KCNQ5: variants seen among roughly 807,000 people sequenced by gnomAD.
KCNQ5 encodes the protein potassium voltage-gated channel subfamily Q member 5.
In KCNQ5, 30 loss-of-function variants were observed where a neutral mutation model predicts 98.2. That is an observed-to-expected ratio of 0.31 (90% CI 0.23 to 0.41). KCNQ5 has a LOEUF of 0.41. Among genes scored for constraint, KCNQ5 ranks in the 10% least tolerant of loss-of-function variants. The pLI, the probability that KCNQ5 is intolerant of heterozygous loss-of-function variation, is 1.00. For synonymous variants in KCNQ5, 458 were observed against 449.4 expected, an observed-to-expected ratio of 1.02 and a Z score of -0.24; for missense variants, 835 against 1,182.5, an observed-to-expected ratio of 0.71 and a Z score of 4.31.
chr6:72,987,063 A>G, intron 1 of KCNQ5: 1 of 711,256 alleles, frequency 1.4e-6, no homozygotes, highest in Non-Finnish European at 2.5e-6. Flanking sequence ...CATGGAGAGC[A>G]GCCCTAGGAA....
rs1765556823 is a variant in KCNQ5, at chr6:73,190,566, C to T, written c.1578-7C>T. On this transcript the variant is annotated splice_polypyrimidine_tract_variant and splice_region_variant and intron_variant, in intron 11 of 13. Coordinates refer to ENST00000370398, the MANE Select transcript of KCNQ5 (RefSeq NM_019842.4). ...TAAAGATTAATATGTAATATGTTCTCATACAGAATTATGAAATTTCATGTT... is the reference window on the plus strand; with the variant it reads ...TAAAGATTAATATGTAATATGTTCTTATACAGAATTATGAAATTTCATGTT... 1.4e-6 allele frequency: 2 copies of T among 1,438,590 alleles called. No individual in the cohort carries two copies. The highest frequency in any genetic ancestry group is 1.4e-5 in the African/African-American group (1 of 70,734). The allele number at this position is 1,438,590 out of a possible 1,614,324, so 89.1% of individuals were successfully genotyped here.
chr6:72,824,628 A>G (rs988582666), intron 1 of KCNQ5, among the ~76,000 whole-genome samples: 1 of 152,128 alleles, frequency 6.6e-6, no homozygotes, highest in Non-Finnish European at 1.5e-5. Context: ...ATAAGGAGAA[A>G]AATAACCTCA....
chr6:72,775,099 T>C (rs933272486), intron 1 of KCNQ5, among the ~76,000 whole-genome samples: 1 of 152,214 alleles, frequency 6.6e-6, no homozygotes, highest in Non-Finnish European at 1.5e-5. Flanking sequence ...ACATGTGTTA[T>C]ATTCACACTA....
chr6:73,093,032 G>T (rs559081113), intron 5 of KCNQ5, among the ~76,000 whole-genome samples: 1 of 152,082 alleles, frequency 6.6e-6, no homozygotes, highest in South Asian at 2.1e-4. Context: ...GAATCCATCT[G>T]GTCCTGGACT....
At chr6:72,926,611 C>T (rs1397843403) in intron 1 of KCNQ5, among the ~76,000 whole-genome samples, 1 of 151,980 alleles carries the variant, frequency 6.6e-6, no homozygotes, top group Non-Finnish European at 1.5e-5. Flanking sequence ...AAGAGAAAAA[C>T]TTGTAATTGT....
intron 1 of KCNQ5, among the ~76,000 whole-genome samples, chr6:72,886,294 T>A (rs759009777): frequency 3.1e-4 from 47 of 152,124 alleles, no homozygotes; most frequent in Admixed American, 2.7e-3. Flanking sequence ...TGAATATAAC[T>A]CATGGAAATT....
intron 1 of KCNQ5, among the ~76,000 whole-genome samples, chr6:72,717,445 T>A (rs1375612201): frequency 6.6e-6 from 1 of 152,216 alleles, no homozygotes; most frequent in Non-Finnish European, 1.5e-5. Flanking sequence ...GTGTCAAAAA[T>A]TTTTTAAATA....
chr6:72,816,544 G>A (rs1775517605), intron 1 of KCNQ5, among the ~76,000 whole-genome samples: 1 of 152,138 alleles, frequency 6.6e-6, no homozygotes, highest in Non-Finnish European at 1.5e-5. Context: ...ATAACAGTGG[G>A]TGGTCAAGAC....
rs183611424 is a variant in KCNQ5, at chr6:72,879,885, G to A, written c.399-124023G>A. 4.9e-3 allele frequency among the ~76,000 whole-genome samples: 751 copies of A among 152,058 alleles called. 18 individuals are homozygous for A. The highest frequency in any genetic ancestry group is 0.046 in the Admixed American group (700 of 15,258). On this transcript the variant is annotated intron_variant, in intron 1 of 13. Coordinates refer to ENST00000370398, the MANE Select transcript of KCNQ5 (RefSeq NM_019842.4). ...TTAATACCAAGATCAATATATGCTC[G>A]AGTAGCCTCCTAAGCTGAATATTCT...
chr6:73,139,239 G>C (rs7773573), intron 10 of KCNQ5, among the ~76,000 whole-genome samples: 5,073 of 152,210 alleles, frequency 0.033, 292 homozygotes, highest in African/African-American at 0.11. Context: ...TTATTTTGCA[G>C]AATCCTCATG....
chr6:73,137,641 T>G (rs557882139), intron 10 of KCNQ5, among the ~76,000 whole-genome samples: 1 of 152,304 alleles, frequency 6.6e-6, no homozygotes, highest in Admixed American at 6.5e-5. Flanking sequence ...TCTTTACCTC[T>G]ATTATTTTAT....
At chr6:72,999,659 C>G (rs1769469877) in intron 1 of KCNQ5, among the ~76,000 whole-genome samples, 1 of 152,170 alleles carries the variant, frequency 6.6e-6, no homozygotes, top group Admixed American at 6.5e-5. Flanking sequence ...AACTATGAAC[C>G]ATTCCTCAAA....
chr6:73,125,587 A>T, intron 9 of KCNQ5: 1 of 249,006 alleles, frequency 4.0e-6, no homozygotes, highest in Non-Finnish European at 7.8e-6. Flanking sequence ...CTATTATAAT[A>T]ATTATATTAA....
chr6:73,075,151 C>T (rs1197215201), intron 3 of KCNQ5, among the ~76,000 whole-genome samples: 1 of 151,842 alleles, frequency 6.6e-6, no homozygotes, highest in Non-Finnish European at 1.5e-5. Context: ...AGTGAAAAGC[C>T]CCTTTATGCA....
intron 1 of KCNQ5, among the ~76,000 whole-genome samples, chr6:72,709,129 G>A (rs1769233696): frequency 6.6e-6 from 1 of 152,150 alleles, no homozygotes; most frequent in Non-Finnish European, 1.5e-5. Context: ...ACAGGCATGA[G>A]GCACCATGCC....
chr6:72,810,729 A>T (rs1013485542), intron 1 of KCNQ5, among the ~76,000 whole-genome samples: 1 of 152,216 alleles, frequency 6.6e-6, no homozygotes, highest in Non-Finnish European at 1.5e-5. Context: ...ATAAAAATAA[A>T]GTGCCTCTTT....
chr6:72,741,420 G>C (rs1334835782), intron 1 of KCNQ5, among the ~76,000 whole-genome samples: 1 of 152,168 alleles, frequency 6.6e-6, no homozygotes, highest in East Asian at 1.9e-4. Context: ...ACCTGGGAGA[G>C]TAGGGGTCCC....
chr6:73,115,288 C>A (rs529844288), intron 7 of KCNQ5, among the ~76,000 whole-genome samples: 1 of 152,012 alleles, frequency 6.6e-6, no homozygotes, highest in Non-Finnish European at 1.5e-5. Context: ...AGATAAGAAA[C>A]ATGAAGTGTC....
At chr6:72,871,398 T>C (rs2150162729) in intron 1 of KCNQ5, among the ~76,000 whole-genome samples, 1 of 152,298 alleles carries the variant, frequency 6.6e-6, no homozygotes, top group South Asian at 2.1e-4. Context: ...TATTTTCTAC[T>C]CTTTGTAATG....
Sources: allele counts gnomAD v4.1 joint callset (sites outside exome capture counted in the v4.1 genomes callset), GRCh38; gene constraint gnomAD v4.1.1; transcripts MANE v1.5; gene names NCBI Gene and HGNC (gene_info 2026-07-23, HGNC 2026-07-21).